ENTREP2: variants seen among roughly 807,000 people sequenced by gnomAD.
The protein encoded by ENTREP2 is endosomal transmembrane epsin interactor 2, also known as protein ENTREP2.
chr15:29,493,324 G>A, the ENTREP2 span, among the ~76,000 whole-genome samples: 23 of 150,148 alleles, frequency 1.5e-4, no homozygotes, highest in Middle Eastern at 3.4e-3. Context: ...TAGTAGAGAC[G>A]GGGTTTCACC....
At chr15:29,523,519 G>A in the ENTREP2 span, among the ~76,000 whole-genome samples, 1 of 129,320 alleles carries the variant, frequency 7.7e-6, no homozygotes, top group Non-Finnish European at 1.6e-5. Flanking sequence ...TCTCCAAAAT[G>A]TTCTACAAAT....
chr15:29,568,709 G>GC, the ENTREP2 span, among the ~76,000 whole-genome samples: 1 of 33,130 alleles, frequency 3.0e-5, no homozygotes, highest in Non-Finnish European at 6.4e-5. Flanking sequence ...GCCTCTTAAG[G>GC]CAAAAAAAAA....
the ENTREP2 span, among the ~76,000 whole-genome samples, chr15:29,315,132 A>C: frequency 6.6e-6 from 1 of 152,222 alleles, no homozygotes; most frequent in East Asian, 1.9e-4. Flanking sequence ...CTTGGATAAG[A>C]AGATACAACA....
chr15:29,626,957 T>G, the ENTREP2 span, among the ~76,000 whole-genome samples: 1 of 152,226 alleles, frequency 6.6e-6, no homozygotes, highest in Non-Finnish European at 1.5e-5. Context: ...TCATTTTTAC[T>G]GATATTTTCA....
chr15:29,142,640 C>T, the ENTREP2 span, among the ~76,000 whole-genome samples: 1,206 of 152,296 alleles, frequency 7.9e-3, 12 homozygotes, highest in African/African-American at 0.027. Context: ...ACAGTTACCA[C>T]GCGATGGAAG....
the ENTREP2 span, among the ~76,000 whole-genome samples, chr15:29,227,201 C>G: frequency 1.3e-5 from 2 of 152,246 alleles, no homozygotes; most frequent in East Asian, 3.9e-4. Context: ...AGAGAACAGG[C>G]AGGAAGAGGG....
At chr15:29,625,974 G>A in the ENTREP2 span, among the ~76,000 whole-genome samples, 1 of 151,956 alleles carries the variant, frequency 6.6e-6, no homozygotes, top group Non-Finnish European at 1.5e-5. Flanking sequence ...AGCCTCCTAA[G>A]TAGCTGGAAT....
At chr15:29,273,230 G>A in the ENTREP2 span, among the ~76,000 whole-genome samples, 73 of 140,196 alleles carry the variant, frequency 5.2e-4, no homozygotes, top group South Asian at 2.2e-3. Flanking sequence ...ATGGAGTTGC[G>A]CTCTGTCGCC....
the ENTREP2 span, among the ~76,000 whole-genome samples, chr15:29,599,022 C>A: frequency 6.6e-6 from 1 of 152,116 alleles, no homozygotes; most frequent in African/African-American, 2.4e-5. Context: ...TTGACCCAGT[C>A]CAAGGGTACT....
chr15:29,662,653 C>A, the ENTREP2 span, among the ~76,000 whole-genome samples: 1 of 152,180 alleles, frequency 6.6e-6, no homozygotes, highest in Non-Finnish European at 1.5e-5. Flanking sequence ...TGTCTGCTGG[C>A]TCTCTGCTGC....
At chr15:29,249,906 G>A in the ENTREP2 span, among the ~76,000 whole-genome samples, 2 of 152,074 alleles carry the variant, frequency 1.3e-5, no homozygotes, top group African/African-American at 4.8e-5. Context: ...AGGAGCCAGA[G>A]AGAAAGCAAG....
At chr15:29,376,074 T>G in the ENTREP2 span, 8 of 152,142 alleles carry the variant, frequency 5.3e-5, no homozygotes, top group African/African-American at 1.9e-4. Context: ...CTTCTTAAAG[T>G]AGATTTACTT....
chr15:29,148,537 C>T, the ENTREP2 span, among the ~76,000 whole-genome samples: 1 of 152,194 alleles, frequency 6.6e-6, no homozygotes, highest in African/African-American at 2.4e-5. Flanking sequence ...ACACCTAATA[C>T]AATATAAATG....
At chr15:29,336,103 C>T in the ENTREP2 span, among the ~76,000 whole-genome samples, 49 of 134,428 alleles carry the variant, frequency 3.6e-4, no homozygotes, top group African/African-American at 1.3e-3. Flanking sequence ...GATCACGCCA[C>T]TGCAATCCAG....
the ENTREP2 span, among the ~76,000 whole-genome samples, chr15:29,490,263 C>T: frequency 6.6e-6 from 1 of 152,134 alleles, no homozygotes; most frequent in African/African-American, 2.4e-5. Context: ...TATGGTCTCT[C>T]TGGCCTCAGA....
chr15:29,198,073 GT>G, the ENTREP2 span, among the ~76,000 whole-genome samples: 1 of 152,164 alleles, frequency 6.6e-6, no homozygotes, highest in Non-Finnish European at 1.5e-5. Context: ...GCCAAGAAAT[GT>G]GCTGATATTC....
At chr15:29,362,526 C>T in the ENTREP2 span, among the ~76,000 whole-genome samples, 5 of 151,824 alleles carry the variant, frequency 3.3e-5, no homozygotes, top group Non-Finnish European at 5.9e-5. Flanking sequence ...AGGCACACGC[C>T]GCCACACCCA....
the ENTREP2 span, among the ~76,000 whole-genome samples, chr15:29,504,837 T>A: frequency 1.4e-4 from 21 of 152,238 alleles, 1 homozygote; most frequent in African/African-American, 5.1e-4. Context: ...AGCTCTGGTG[T>A]CTTCCATGAT....
the ENTREP2 span, among the ~76,000 whole-genome samples, chr15:29,286,093 T>C: frequency 1.3e-5 from 2 of 152,180 alleles, no homozygotes; most frequent in Admixed American, 6.5e-5. Flanking sequence ...AAACATCATA[T>C]GTAAAATAAT....
Sources: allele counts gnomAD v4.1 joint callset (sites outside exome capture counted in the v4.1 genomes callset), GRCh38; gene constraint gnomAD v4.1.1; transcripts MANE v1.5; gene names NCBI Gene and HGNC (gene_info 2026-07-23, HGNC 2026-07-21).